Variants in ELMOD2 observed in about 807,000 individuals in gnomAD.
The protein encoded by ELMOD2 is ELMO domain containing 2.
In ELMOD2, 28 loss-of-function variants were observed where a neutral mutation model predicts 41.0. The observed-to-expected ratio is 0.68, with a 90% confidence interval of 0.51 to 0.94. ELMOD2 has a LOEUF of 0.94. Ranked by LOEUF, ELMOD2 falls within the 40% of genes least tolerant of loss-of-function variation. The pLI, the probability that ELMOD2 is intolerant of heterozygous loss-of-function variation, is 0.00. For missense variants in ELMOD2, 333 were observed against 343.1 expected (o/e 0.97, Z 0.23); for synonymous variants, 106 against 107.2 (o/e 0.99, Z 0.07).
intron 6 of ELMOD2, among the ~76,000 whole-genome samples, chr4:140,542,167 C>A (rs1025625799): frequency 3.3e-5 from 5 of 151,802 alleles, no homozygotes; most frequent in Admixed American, 1.3e-4. Flanking sequence ...CTGAAAATGG[C>A]ACTAAACAAC....
In ELMOD2 at chr4:140,525,495, C is replaced by G; in HGVS notation, c.67C>G (p.Arg23Gly). ...TCGATTTTGGATGAAATGGCTATTA[C>G]GACAGATGACTGGGAAGTGTGAATT... is the stretch of plus-strand genomic sequence containing the variant. ...FFRFWMKWLL[R>G]QMTGKCELQR... The change falls in exon 2 of 9, where the codon CGA becomes GGA. Residue 23 changes from arginine (R) to glycine (G), a missense_variant. Arg to Gly is a moderately radical substitution (Grantham distance 125, BLOSUM62 -2). Transcript: ENST00000323570. The G allele has an allele frequency of 3.7e-6, 6 of 1,613,810 alleles. No individual in the cohort carries two copies. The highest frequency in any genetic ancestry group is 5.1e-6 in the Non-Finnish European group (6 of 1,179,916).
intron 8 of ELMOD2, among the ~76,000 whole-genome samples, chr4:140,547,888 C>T (rs918174561): frequency 2.0e-5 from 3 of 152,132 alleles, no homozygotes; most frequent in African/African-American, 7.2e-5. Flanking sequence ...TCATGGAAAA[C>T]AGCTCTTTTC....
intron 8 of ELMOD2, among the ~76,000 whole-genome samples, chr4:140,548,716 G>A (rs1025810266): frequency 7.9e-5 from 12 of 152,088 alleles, no homozygotes; most frequent in African/African-American, 2.7e-4. Flanking sequence ...TAACAACATA[G>A]TACTTGCATC....
At chr4:140,545,729 A>T (rs1199735950) in intron 8 of ELMOD2, among the ~76,000 whole-genome samples, 1 of 151,728 alleles carries the variant, frequency 6.6e-6, no homozygotes, top group South Asian at 2.1e-4. Flanking sequence ...TTTTTTTTTT[A>T]AATGAATATA....
intron 6 of ELMOD2, among the ~76,000 whole-genome samples, chr4:140,540,743 TA>T (rs11297411): frequency 0.85 from 121,349 of 142,686 alleles, 52,505 homozygotes; most frequent in East Asian, 0.96. Flanking sequence ...ACCCTGTCTT[TA>T]AAAAAAAAAA....
intron 2 of ELMOD2, among the ~76,000 whole-genome samples, 194 bp downstream of exon 2, chr4:140,525,764 G>A (rs1446234540): frequency 1.3e-5 from 2 of 152,164 alleles, no homozygotes; most frequent in African/African-American, 4.8e-5. Context: ...TTATTTAATT[G>A]CTTATGTGTG....
At chr4:140,535,662 A>T in intron 3 of ELMOD2, 71 bp from the exon 4 acceptor site, 1 of 1,369,844 alleles carries the variant, frequency 7.3e-7, no homozygotes, top group Non-Finnish European at 1.0e-6. Context: ...AAGGTTGATT[A>T]AATGTCTCAC....
At chr4:140,532,673 A>G (rs1180894818) in intron 3 of ELMOD2, among the ~76,000 whole-genome samples, 1 of 152,242 alleles carries the variant, frequency 6.6e-6, no homozygotes, top group African/African-American at 2.4e-5. Context: ...CATGATACAT[A>G]ACACTGAATT....
At chr4:140,537,304 A>C in intron 4 of ELMOD2, 108 bp from the exon 5 acceptor site, 2 of 1,017,980 alleles carry the variant, frequency 2.0e-6, no homozygotes, top group Non-Finnish European at 2.6e-6. Context: ...CTTATATTAA[A>C]CTGAAAGCCA....
chr4:140,525,323 AT>A (rs1235469490), intron 1 of ELMOD2, 96 bp from the exon 2 acceptor site: 1 of 1,267,202 alleles, frequency 7.9e-7, no homozygotes, highest in Non-Finnish European at 1.1e-6. Context: ...GAAATGATAG[AT>A]ACATAATTTG....
chr4:140,526,221 T>C (rs1322367812), intron 2 of ELMOD2, among the ~76,000 whole-genome samples: 1 of 152,238 alleles, frequency 6.6e-6, no homozygotes, highest in Non-Finnish European at 1.5e-5. Flanking sequence ...ATATGTTGGG[T>C]TAAAAATATA....
At chr4:140,531,567 T>C (rs1734748407) in intron 3 of ELMOD2, among the ~76,000 whole-genome samples, 1 of 152,240 alleles carries the variant, frequency 6.6e-6, no homozygotes, top group Non-Finnish European at 1.5e-5. Context: ...TTATTGCAGC[T>C]GCCGTCTTAG....
chr4:140,548,542 T>A (rs568423070), intron 8 of ELMOD2, among the ~76,000 whole-genome samples: 2 of 152,310 alleles, frequency 1.3e-5, no homozygotes, highest in East Asian at 3.9e-4. Flanking sequence ...CCAATATTAT[T>A]AAAATGGGAT....
Position 140,525,569 on chromosome 4 carries a change from A to G in ELMOD2, c.141A>G (p.Ile47Met), listed in dbSNP as rs912576639. The change falls in exon 2 of 9, where the codon ATA becomes ATG. Residue 47 changes from isoleucine to methionine, a missense_variant and splice_region_variant. Transcript: ENST00000323570. The stretch of plus-strand genomic sequence containing the variant: ...TAGGTGCACAAAGGACACACAGGAT[A>G]GGTAATGTTATTCAAAAAGAAAAAG... ...TYVGAQRTHR[I>M]ENSLTYSKNK... The G allele has an allele frequency of 4.4e-6, 7 of 1,592,758 alleles. No individual in the cohort carries two copies. The highest frequency in any genetic ancestry group is 1.4e-5 in the African/African-American group (1 of 73,328).
rs192981948 is a variant in ELMOD2 at position 140,531,658 on chromosome 4, A to G, written c.172-4075A>G. ...ATTAGTTTAGTTTTCTTTTAATGCT[A>G]TAGTGATGCACATTTGCATTTTTGG... On this transcript the variant is annotated intron_variant, in intron 3 of 8. Transcript: ENST00000323570. 4.4e-3 allele frequency among the ~76,000 whole-genome samples: 667 copies of G among 152,350 alleles called. 25 individuals carry two copies. Among genetic ancestry groups the G allele is most frequent in the Admixed American group, 0.041 (630 of 15,298 alleles).
At position 140,534,544 on chromosome 4, in the gene ELMOD2, A is replaced by G. The variant is rs563314479; in HGVS notation, c.172-1189A>G. On this transcript the variant is annotated intron_variant, in intron 3 of 8. Coordinates refer to ENST00000323570, the MANE Select transcript of ELMOD2 (RefSeq NM_153702.4). The stretch of plus-strand genomic sequence containing the variant: ...TTCACTGTATTTAAATTATAAATCA[A>G]TTTTTAAAAAAGTAATGGAATAGTA... Among the ~76,000 whole-genome samples the G allele has an allele frequency of 2.6e-5, 4 of 152,300 alleles. No homozygotes were observed. The South Asian group carries it at 8.3e-4, about 32-fold the overall frequency.
chr4:140,537,542 G>T lies in ELMOD2; in HGVS notation c.399+1G>T. 1.3e-6 allele frequency: 2 copies of T among 1,596,708 alleles called. No homozygotes were observed. The highest frequency in any genetic ancestry group is 2.3e-5 in the East Asian group (1 of 43,640). ...ACAGCATGAAGAGCTACTCATGAAG[G>T]TAAATTTCTGTTTTCTTTATGTGGA... is the stretch of plus-strand genomic sequence containing the variant. On this transcript the variant is annotated splice_donor_variant, in intron 5 of 8. Coordinates refer to ENST00000323570, the MANE Select transcript of ELMOD2 (RefSeq NM_153702.4). LOFTEE classifies it high-confidence loss of function.
At chr4:140,542,378 T>C (rs1026100850) in intron 6 of ELMOD2, 196 bp from the exon 7 acceptor site, 1 of 436,226 alleles carries the variant, frequency 2.3e-6, no homozygotes, top group South Asian at 5.7e-5. Flanking sequence ...CTATATTCTG[T>C]ACTACATAGG....
intron 8 of ELMOD2, among the ~76,000 whole-genome samples, chr4:140,547,874 T>C (rs1231288890): frequency 6.6e-6 from 1 of 152,192 alleles, no homozygotes; most frequent in East Asian, 1.9e-4. Flanking sequence ...ACAAAATATG[T>C]GCATCATGGA....
Sources: gnomAD v4.1 joint callset for allele counts (sites outside exome capture counted in the v4.1 genomes callset) on GRCh38, gnomAD v4.1.1 for gene constraint, MANE v1.5 for transcripts, NCBI Gene and HGNC (gene_info 2026-07-23, HGNC 2026-07-21) for gene names.